IFT81: variants seen among roughly 807,000 people sequenced by gnomAD.
IFT81 encodes the protein intraflagellar transport protein 81 homolog.
In IFT81, 72 loss-of-function variants were observed where a neutral mutation model predicts 102.6. The observed-to-expected ratio is 0.70, with a 90% CI of 0.58 to 0.85. IFT81 has a LOEUF of 0.85. IFT81 is among the 40% of genes least tolerant of loss of function. The probability of loss-of-function intolerance (pLI) is 0.00; values close to 1 mark genes in which losing one functional copy is unlikely to be tolerated. For missense variants in IFT81, 723 were observed against 787.3 expected (o/e 0.92, Z 0.98); for synonymous variants, 237 against 242.7 (o/e 0.98, Z 0.22).
chr12:110,142,320 A>G (rs960057883), intron 8 of IFT81, among the ~76,000 whole-genome samples: 5 of 152,072 alleles, frequency 3.3e-5, no homozygotes, highest in African/African-American at 1.2e-4. Context: ...GGCATGTGCC[A>G]CCATGCCCGG....
intron 11 of IFT81, among the ~76,000 whole-genome samples, chr12:110,173,491 T>C (rs1411901395): frequency 6.6e-5 from 10 of 152,146 alleles, no homozygotes; most frequent in Non-Finnish European, 1.0e-4. Flanking sequence ...GAACAGGCCA[T>C]GATGACAATG....
chr12:110,163,521 G>A (rs911471194), intron 11 of IFT81, among the ~76,000 whole-genome samples: 6 of 151,970 alleles, frequency 3.9e-5, no homozygotes, highest in South Asian at 2.1e-4. Flanking sequence ...GATTACAGGC[G>A]TGAGCCACCA....
At chr12:110,165,104 C>T (rs1896363106) in intron 11 of IFT81, among the ~76,000 whole-genome samples, 1 of 149,588 alleles carries the variant, frequency 6.7e-6, no homozygotes, top group Non-Finnish European at 1.5e-5. Flanking sequence ...AAAAAGCAGT[C>T]TTTTTTTTTA....
At chr12:110,173,222 A>C in intron 11 of IFT81, among the ~76,000 whole-genome samples, 1 of 142,170 alleles carries the variant, frequency 7.0e-6, no homozygotes, top group Non-Finnish European at 1.5e-5. Flanking sequence ...GTGGGGGTTC[A>C]GCCCCCCACC....
Position 110,205,529 on chromosome 12 carries a change from A to T in IFT81, c.1716+15A>T. ...GTATGATTAAGGTAAGACAAAGTAG[A>T]TCAAAAACATTTCTGAGTTTTTTCT... On this transcript the variant is annotated intron_variant, in intron 16 of 18. Coordinates refer to ENST00000242591, the MANE Select transcript of IFT81 (RefSeq NM_014055.4). The T allele has an allele frequency of 6.3e-7, 1 of 1,588,964 alleles. No homozygotes were observed. Among genetic ancestry groups the T allele is most frequent in the Non-Finnish European group, 8.5e-7 (1 of 1,171,588 alleles).
At chr12:110,142,968 TG>T (rs1894989636) in intron 8 of IFT81, among the ~76,000 whole-genome samples, 1 of 152,114 alleles carries the variant, frequency 6.6e-6, no homozygotes, top group Non-Finnish European at 1.5e-5. Context: ...AAAAAATACA[TG>T]ATCATCTGTA....
intron 11 of IFT81, among the ~76,000 whole-genome samples, chr12:110,173,171 G>A (rs1346360082): frequency 2.1e-5 from 3 of 145,532 alleles, no homozygotes; most frequent in Non-Finnish European, 3.0e-5. Flanking sequence ...AGGTGGGGGG[G>A]TCAGCCCCCC....
intron 18 of IFT81, among the ~76,000 whole-genome samples, chr12:110,213,297 A>G (rs1566175525): frequency 6.6e-6 from 1 of 152,312 alleles, no homozygotes; most frequent in East Asian, 1.9e-4. Context: ...AAAGAAAAAA[A>G]AAACGGTAAT....
chr12:110,189,795 A>G (rs1424522614), intron 12 of IFT81, among the ~76,000 whole-genome samples: 1 of 152,166 alleles, frequency 6.6e-6, no homozygotes, highest in Admixed American at 6.5e-5. Flanking sequence ...CTCTCAACAA[A>G]TGGAAACTTC....
rs1440699960 is a variant in IFT81, at chr12:110,127,534, TTC to T, written c.144+14_144+15del. ...TGAGATTGACCCAAAGGTAAGAGTT[TTC>T]TCTTTCTTTTTGATGGGTAGCAGAA... On this transcript the variant is annotated intron_variant, in intron 2 of 18. Transcript: ENST00000242591. 1 of 1,578,642 alleles carries T rather than the reference TTC, an allele frequency of 6.3e-7. No homozygotes were observed. The highest frequency in any genetic ancestry group is 1.7e-4 in the Middle Eastern group (1 of 5,928).
chr12:110,203,998 T>G (rs1392096238), intron 15 of IFT81, 48 bp downstream of exon 15: 3 of 1,174,648 alleles, frequency 2.6e-6, no homozygotes, highest in South Asian at 2.6e-5. Flanking sequence ...ACTACCTGTG[T>G]GTACACCTGT....
At position 110,124,589 on chromosome 12, in the gene IFT81, TG is replaced by T; in HGVS notation, c.-291del. 6.6e-6 allele frequency: 1 copy of T among 152,414 alleles called. No homozygotes were observed. The highest frequency in any genetic ancestry group is 1.5e-5 in the Non-Finnish European group (1 of 68,128). The allele number at this position is 152,414 out of a possible 1,614,324, so 9.4% of individuals were successfully genotyped here. Reference sequence around the variant, plus strand: ...CCGGATAGGGGAATCGGGCCCCTTCTGGGATTCGAGCGGATCCAGGCCGCTC... The same window carrying T: ...CCGGATAGGGGAATCGGGCCCCTTCTGGATTCGAGCGGATCCAGGCCGCTC... On this transcript the variant is annotated 5_prime_UTR_variant, in exon 1 of 19. Coordinates refer to ENST00000242591, the MANE Select transcript of IFT81 (RefSeq NM_014055.4).
At chr12:110,150,113 C>CT (rs1161350679) in intron 10 of IFT81, among the ~76,000 whole-genome samples, 93 of 146,190 alleles carry the variant, frequency 6.4e-4, no homozygotes, top group South Asian at 1.3e-3. Context: ...CTTTTCTTTT[C>CT]TTTTTTTTTT....
intron 7 of IFT81, among the ~76,000 whole-genome samples, chr12:110,136,048 A>T (rs1209983446): frequency 6.6e-6 from 1 of 152,132 alleles, no homozygotes; most frequent in African/African-American, 2.4e-5. Flanking sequence ...AAACTTCTAG[A>T]ATCTCTACAG....
intron 17 of IFT81, among the ~76,000 whole-genome samples, chr12:110,208,702 G>T (rs984080254): frequency 4.6e-5 from 7 of 152,046 alleles, no homozygotes; most frequent in Admixed American, 6.5e-5. Context: ...ACTATTATAA[G>T]CATTGATGAA....
At chr12:110,152,889 C>T (rs1024789573) in intron 10 of IFT81, among the ~76,000 whole-genome samples, 5 of 152,154 alleles carry the variant, frequency 3.3e-5, no homozygotes, top group African/African-American at 9.7e-5. Context: ...CCATGCCTGG[C>T]TTATTCGGGA....
intron 14 of IFT81, among the ~76,000 whole-genome samples, chr12:110,196,067 A>G (rs1897987770): frequency 6.6e-6 from 1 of 152,224 alleles, no homozygotes; most frequent in African/African-American, 2.4e-5. Context: ...GTGAATGGGT[A>G]AAATGTTTCA....
At chr12:110,177,146 A>G (rs1897068505) in intron 11 of IFT81, among the ~76,000 whole-genome samples, 1 of 152,242 alleles carries the variant, frequency 6.6e-6, no homozygotes, top group Non-Finnish European at 1.5e-5. Context: ...AGTCATTGAA[A>G]ATTTGTGGTG....
chr12:110,201,438 TG>T (rs967700375), intron 14 of IFT81, among the ~76,000 whole-genome samples: 6 of 151,688 alleles, frequency 4.0e-5, no homozygotes, highest in Admixed American at 1.3e-4. Flanking sequence ...TTTTGTTTTT[TG>T]TTTTTTTTTG....
Sources: allele counts gnomAD v4.1 joint callset (sites outside exome capture counted in the v4.1 genomes callset), GRCh38; gene constraint gnomAD v4.1.1; transcripts MANE v1.5; gene names NCBI Gene and HGNC (gene_info 2026-07-23, HGNC 2026-07-21).